Variants in ARMC2 observed in about 807,000 individuals in gnomAD.
ARMC2 encodes the protein armadillo repeat containing 2.
ARMC2 carries 67 observed loss-of-function variants against 90.3 expected under a neutral mutation model. That is an observed-to-expected ratio of 0.74 (90% CI 0.61 to 0.91). The LOEUF (loss-of-function observed/expected upper bound fraction) is 0.91. Among genes scored for constraint, ARMC2 ranks in the 40% least tolerant of loss-of-function variants. The pLI is 0.00. For synonymous variants in ARMC2, 393 were observed against 393.0 expected (o/e 1.00, Z 0.00); for missense variants, 920 against 1,030.9 (o/e 0.89, Z 1.47).
At chr6:109,008,691 C>G in the ARMC2 span, 1 of 771,358 alleles carries the variant, frequency 1.3e-6, no homozygotes, top group African/African-American at 1.9e-5. Context: ...TAGTAACTTT[C>G]AAATGGTTTC....
At chr6:108,926,527 C>A (rs368925204) in intron 10 of ARMC2, among the ~76,000 whole-genome samples, 1 of 152,280 alleles carries the variant, frequency 6.6e-6, no homozygotes, top group African/African-American at 2.4e-5. Flanking sequence ...GAGTTTGAGA[C>A]CAGCCTGGCC....
chr6:108,868,719 C>G, intron 3 of ARMC2, 105 bp from the exon 4 acceptor site: 1 of 985,122 alleles, frequency 1.0e-6, no homozygotes, highest in Non-Finnish European at 1.5e-6. Context: ...TGAAGGCAGG[C>G]AGATAGGCCT....
chr6:108,953,332 C>T lies in ARMC2; in HGVS notation c.1896C>T (p.Gly632=). ...PVLAANPGIV[G]LLLTTLEYKS... ...TGGCCGCCAACCCGGGGATAGTGGG[C>T]CTGCTCCTGACCACGCTGGGTGAGA... The change falls in exon 13 of 18, where the codon GGC becomes GGT. Residue 632 remains glycine, a synonymous_variant. Coordinates refer to ENST00000392644, the MANE Select transcript of ARMC2 (RefSeq NM_032131.6). 1 of 1,605,824 alleles carries T rather than the reference C, an allele frequency of 6.2e-7. No individual in the cohort carries two copies. The highest frequency in any genetic ancestry group is 8.5e-7 in the Non-Finnish European group (1 of 1,178,342).
At chr6:108,870,927 G>C (rs1304935142) in intron 4 of ARMC2, among the ~76,000 whole-genome samples, 1 of 152,196 alleles carries the variant, frequency 6.6e-6, no homozygotes, top group South Asian at 2.1e-4. Flanking sequence ...GCTGATGAAT[G>C]CTCTGAAGAA....
At chr6:109,028,467 A>C in the ARMC2 span, among the ~76,000 whole-genome samples, 1 of 152,124 alleles carries the variant, frequency 6.6e-6, no homozygotes, top group African/African-American at 2.4e-5. Flanking sequence ...GTACATTTGC[A>C]TGTATGTATG....
intron 13 of ARMC2, among the ~76,000 whole-genome samples, chr6:108,959,287 A>G (rs1777816975): frequency 6.6e-6 from 1 of 152,240 alleles, no homozygotes; most frequent in South Asian, 2.1e-4. Context: ...TTTAATGAAC[A>G]GGAAAAGATG....
intron 1 of ARMC2, among the ~76,000 whole-genome samples, chr6:108,849,033 G>T (rs1035855684): frequency 1.3e-5 from 2 of 152,182 alleles, no homozygotes; most frequent in Non-Finnish European, 2.9e-5. Flanking sequence ...GTAGACTAAG[G>T]GGCTTTGTCT....
the ARMC2 span, among the ~76,000 whole-genome samples, chr6:109,037,167 T>C: frequency 2.0e-5 from 3 of 152,238 alleles, no homozygotes; most frequent in African/African-American, 7.2e-5. Context: ...ACCTCACTTA[T>C]GAACCACGCT....
In ARMC2 at chr6:108,858,181, C is replaced by T; in HGVS notation, c.219-18C>T. On this transcript the variant is annotated intron_variant, in intron 2 of 17. Transcript: ENST00000392644. ...TAATTCTTCACAAACTAACACTCTGCACCATCTTTTATGCTAGCCTCCATG... is the reference window on the plus strand; with the variant it reads ...TAATTCTTCACAAACTAACACTCTGTACCATCTTTTATGCTAGCCTCCATG... The T allele has an allele frequency of 6.3e-7, 1 of 1,595,416 alleles. No homozygotes were observed. The highest frequency in any genetic ancestry group is 8.6e-7 in the Non-Finnish European group (1 of 1,165,106).
At chr6:109,012,925 C>T in the ARMC2 span, among the ~76,000 whole-genome samples, 1 of 151,872 alleles carries the variant, frequency 6.6e-6, no homozygotes, top group African/African-American at 2.4e-5. Flanking sequence ...ACCATCCTGG[C>T]CAACATGGTG....
intron 17 of ARMC2, among the ~76,000 whole-genome samples, chr6:108,967,514 G>T (rs1778455308): frequency 6.6e-6 from 1 of 152,066 alleles, no homozygotes; most frequent in Non-Finnish European, 1.5e-5. Context: ...GTCACCCCTT[G>T]GTATCTGGGG....
At position 108,953,236 on chromosome 6, in the gene ARMC2, A is replaced by G. The variant is rs1478344691; in HGVS notation, c.1800A>G (p.Ala600=). 3 of 1,613,830 alleles carry G rather than the reference A, an allele frequency of 1.9e-6. No homozygotes were observed. The highest frequency in any genetic ancestry group is 1.6e-4 in the Middle Eastern group (1 of 6,062). The change falls in exon 13 of 18, where the codon GCA becomes GCG. Residue 600 remains alanine (A), a synonymous_variant. Coordinates refer to ENST00000392644, the MANE Select transcript of ARMC2 (RefSeq NM_032131.6). ...QHRAQRPPSE[A]EDVLIKLTRV... is the part of the protein sequence containing the mutation. ...GGGCGCAGAGGCCGCCGTCAGAGGC[A>G]GAGGACGTGCTCATCAAGCTGACTC...
chr6:108,961,686 T>C lies in ARMC2; in HGVS notation c.2030T>C (p.Ile677Thr), dbSNP rs890192648. The change falls in exon 14 of 18, where the codon ATT becomes ACT. Residue 677 changes from isoleucine (I) to threonine (T), a missense_variant. By Grantham distance (89) the Ile-to-Thr change is moderately conservative. Transcript: ENST00000392644. ...ATAATTCAAGACAAAAAGCTATATA[T>C]TGCTGAATGTAAGGTTCAGAGTTGG... The part of the protein sequence containing the change: ...NSIIQDKKLY[I>T]AELLLKLLVS... The C allele has an allele frequency of 1.3e-6, 2 of 1,599,816 alleles. No individual in the cohort carries two copies. Among genetic ancestry groups the C allele is most frequent in the African/African-American group, 2.7e-5 (2 of 74,378 alleles).
chr6:108,908,764 A>G (rs148505951), intron 8 of ARMC2, among the ~76,000 whole-genome samples: 239 of 151,768 alleles, frequency 1.6e-3, no homozygotes, highest in African/African-American at 5.2e-3. Context: ...AAAAAAAGAA[A>G]AGAGAGAGAG....
At chr6:108,943,725 T>C (rs1776612677) in intron 12 of ARMC2, among the ~76,000 whole-genome samples, 1 of 151,658 alleles carries the variant, frequency 6.6e-6, no homozygotes, top group South Asian at 2.1e-4. Context: ...TCCCAGCTAC[T>C]TGGGAGGATG....
chr6:108,978,822 C>CT (rs375168964), downstream of ARMC2, among the ~76,000 whole-genome samples: 97 of 146,958 alleles, frequency 6.6e-4, no homozygotes, highest in Middle Eastern at 7.1e-3. Context: ...GCAACCCCTG[C>CT]TTTTTTTTTT....
chr6:109,038,631 C>T, the ARMC2 span, among the ~76,000 whole-genome samples: 1 of 152,208 alleles, frequency 6.6e-6, no homozygotes, highest in Admixed American at 6.5e-5. Context: ...CATTTCACAC[C>T]CACTTAGGGG....
chr6:109,022,385 T>A, the ARMC2 span, among the ~76,000 whole-genome samples: 5 of 150,682 alleles, frequency 3.3e-5, no homozygotes, highest in Non-Finnish European at 7.4e-5. Context: ...CTAAAACATA[T>A]GTATGCATCA....
intron 11 of ARMC2, among the ~76,000 whole-genome samples, chr6:108,932,541 T>TTTTTTTG (rs1554254901): frequency 8.6e-6 from 1 of 116,030 alleles, no homozygotes; most frequent in African/African-American, 3.2e-5. Context: ...TTTTTTTTTT[T>TTTTTTTG]TTGTTGAGAC....
Sources: gnomAD v4.1 joint callset for allele counts (sites outside exome capture counted in the v4.1 genomes callset) on GRCh38, gnomAD v4.1.1 for gene constraint, MANE v1.5 for transcripts, NCBI Gene and HGNC (gene_info 2026-07-23, HGNC 2026-07-21) for gene names.